Variants in ADGRL3 observed in about 807,000 individuals in gnomAD.
ADGRL3 encodes adhesion G protein-coupled receptor L3.
In ADGRL3, 62 loss-of-function variants were observed where a neutral mutation model predicts 153.5. The observed-to-expected ratio is 0.40, with a 90% CI of 0.33 to 0.50. The LOEUF (loss-of-function observed/expected upper bound fraction) is 0.50. ADGRL3 is among the 20% of genes least tolerant of loss of function. The pLI is 0.47. For synonymous variants in ADGRL3, 710 were observed against 672.5 expected (o/e 1.06, Z -0.86); for missense variants, 1,641 against 1,859.4 (o/e 0.88, Z 2.16).
At chr4:61,452,317 TTC>T in intron 2 of ADGRL3, among the ~76,000 whole-genome samples, 1 of 101,852 alleles carries the variant, frequency 9.8e-6, no homozygotes, top group African/African-American at 3.6e-5. Context: ...CATCCTTGCC[TTC>T]TGCCCAGTTC....
intron 2 of ADGRL3, among the ~76,000 whole-genome samples, chr4:61,461,368 C>T (rs2097815068): frequency 6.6e-6 from 1 of 151,900 alleles, no homozygotes; most frequent in African/African-American, 2.4e-5. Context: ...AGCTAAAAGA[C>T]AAGATTTGAA....
intron 9 of ADGRL3, among the ~76,000 whole-genome samples, chr4:61,821,869 G>T (rs901058547): frequency 6.6e-6 from 1 of 152,084 alleles, no homozygotes; most frequent in Non-Finnish European, 1.5e-5. Context: ...AGGTGGTTCT[G>T]CCTAGTGCAT....
chr4:61,684,639 C>T (rs2095410030), intron 6 of ADGRL3, among the ~76,000 whole-genome samples: 1 of 152,064 alleles, frequency 6.6e-6, no homozygotes, highest in South Asian at 2.1e-4. Flanking sequence ...CCTAGGCCTC[C>T]GAAACACCTA....
At chr4:61,320,168 C>T (rs974282902) in intron 1 of ADGRL3, among the ~76,000 whole-genome samples, 4 of 152,164 alleles carry the variant, frequency 2.6e-5, no homozygotes, top group African/African-American at 9.6e-5. Context: ...TCTTGGACTT[C>T]CTAGCCTCTA....
chr4:62,030,813 G>C (rs999347506), intron 22 of ADGRL3, among the ~76,000 whole-genome samples: 40 of 151,460 alleles, frequency 2.6e-4, no homozygotes, highest in African/African-American at 9.4e-4. Flanking sequence ...AAAGCCTGAA[G>C]GAGGGTAGAA....
At chr4:61,366,238 T>C (rs1214040462) in intron 1 of ADGRL3, among the ~76,000 whole-genome samples, 1 of 152,248 alleles carries the variant, frequency 6.6e-6, no homozygotes, top group Non-Finnish European at 1.5e-5. Flanking sequence ...AGGTTCTAGA[T>C]TTCTATAAAG....
At chr4:61,310,928 G>T (rs971430064) in intron 1 of ADGRL3, among the ~76,000 whole-genome samples, 35 of 151,658 alleles carry the variant, frequency 2.3e-4, no homozygotes, top group Admixed American at 1.3e-4. Flanking sequence ...AGTCTAGGTT[G>T]TAGTTTCAGA....
At chr4:61,450,266 A>G (rs1471994389) in intron 2 of ADGRL3, among the ~76,000 whole-genome samples, 1 of 152,224 alleles carries the variant, frequency 6.6e-6, no homozygotes, top group Non-Finnish European at 1.5e-5. Context: ...ATAGTTTTAA[A>G]AATCCCTGAA....
intron 25 of ADGRL3, among the ~76,000 whole-genome samples, chr4:62,064,779 A>G (rs532308501): frequency 6.6e-6 from 1 of 152,070 alleles, no homozygotes; most frequent in African/African-American, 2.4e-5. Flanking sequence ...AAACAAGGCC[A>G]TTGTGTGTCT....
chr4:61,319,118 G>A (rs2095300650), intron 1 of ADGRL3, among the ~76,000 whole-genome samples: 1 of 152,150 alleles, frequency 6.6e-6, no homozygotes, highest in African/African-American at 2.4e-5. Flanking sequence ...GAAGTCCAAT[G>A]TGTACACTGA....
chr4:61,396,651 T>A (rs200209336), intron 2 of ADGRL3, among the ~76,000 whole-genome samples: 1 of 152,082 alleles, frequency 6.6e-6, no homozygotes, highest in East Asian at 1.9e-4. Context: ...TCCCAATCAC[T>A]ACCTTTTCTG....
chr4:61,366,717 C>A (rs2096404904), intron 1 of ADGRL3, among the ~76,000 whole-genome samples: 1 of 152,028 alleles, frequency 6.6e-6, no homozygotes, highest in Non-Finnish European at 1.5e-5. Flanking sequence ...TGCTTATTAA[C>A]AGTTTGTCTG....
intron 4 of ADGRL3, among the ~76,000 whole-genome samples, chr4:61,573,656 A>G (rs1323461596): frequency 6.6e-6 from 1 of 152,002 alleles, no homozygotes; most frequent in African/African-American, 2.4e-5. Context: ...CAACTAGAAT[A>G]TCTTCTTTTG....
At chr4:61,439,083 T>A (rs2606720) in intron 2 of ADGRL3, among the ~76,000 whole-genome samples, 141,754 of 152,156 alleles carry the variant, frequency 0.93, 66,874 homozygotes, top group East Asian at 1. Context: ...GAGCTAAGTA[T>A]ATAATATTAT....
chr4:61,261,207 T>C, intron 1 of ADGRL3, among the ~76,000 whole-genome samples: 1 of 149,826 alleles, frequency 6.7e-6, no homozygotes, highest in South Asian at 2.1e-4. Flanking sequence ...TTTTTTTTTT[T>C]TTTTAAAGGA....
chr4:61,933,077 A>G (rs569689654), intron 13 of ADGRL3, among the ~76,000 whole-genome samples: 1 of 152,126 alleles, frequency 6.6e-6, no homozygotes, highest in African/African-American at 2.4e-5. Context: ...TTATTATAAG[A>G]TTATTAACTA....
chr4:61,347,847 T>A (rs2095954635), intron 1 of ADGRL3, among the ~76,000 whole-genome samples: 1 of 152,150 alleles, frequency 6.6e-6, no homozygotes, highest in South Asian at 2.1e-4. Context: ...TTGAGATCAT[T>A]CTTAAAAAAT....
rs371272550 is a variant in ADGRL3 at position 61,400,700 on chromosome 4, T to C, written c.-174+17511T>C. Among the ~76,000 whole-genome samples, 6 of 151,810 alleles carry C rather than the reference T, an allele frequency of 4.0e-5. No individual in the cohort carries two copies. In the South Asian group the frequency reaches 6.2e-4, roughly 16 times the overall value. On this transcript the variant is annotated intron_variant, in intron 2 of 26. Transcript: ENST00000683033. ...CAAGTTAGGACATTCAGAATTATGG[T>C]TTCCATGGTAACCACAACACTGAGT...
chr4:61,227,849 G>T (rs981819401), intron 1 of ADGRL3, among the ~76,000 whole-genome samples: 12 of 152,296 alleles, frequency 7.9e-5, no homozygotes, highest in Middle Eastern at 3.4e-3. Flanking sequence ...CATCTGGGCT[G>T]CTCAGACTGC....
Sources: gnomAD v4.1 joint callset for allele counts (sites outside exome capture counted in the v4.1 genomes callset) on GRCh38, gnomAD v4.1.1 for gene constraint, MANE v1.5 for transcripts, NCBI Gene and HGNC (gene_info 2026-07-23, HGNC 2026-07-21) for gene names.